PCDHGA3: variants seen among roughly 807,000 people sequenced by gnomAD.
PCDHGA3 encodes the protein protocadherin gamma subfamily A, 3.
A neutral mutation model predicts 58.5 loss-of-function variants in PCDHGA3; 40 were observed. The observed-to-expected ratio is 0.68, with a 90% confidence interval of 0.53 to 0.89. The LOEUF is 0.89. Among genes scored for constraint, PCDHGA3 ranks in the 40% least tolerant of loss-of-function variants. The pLI, the probability that PCDHGA3 is intolerant of heterozygous loss-of-function variation, is 0.00. For missense variants in PCDHGA3, 1,223 were observed against 1,195.9 expected (o/e 1.02, Z -0.33); for synonymous variants, 530 against 525.7 (o/e 1.01, Z -0.11).
chr5:141,419,470 G>A (rs2096387963), intron 1 of PCDHGA3: 1 of 1,612,362 alleles, frequency 6.2e-7, no homozygotes, highest in African/African-American at 1.3e-5. Context: ...CCCGCGACCA[G>A]GGCTCGCCCG....
chr5:141,382,946 T>C (rs1415736753), intron 1 of PCDHGA3: 27 of 1,598,228 alleles, frequency 1.7e-5, no homozygotes, highest in Non-Finnish European at 2.3e-5. Flanking sequence ...TTCTTCCTGC[T>C]CTCCATCCTC....
At position 141,511,399 on chromosome 5, in the gene PCDHGA3, A is replaced by C; in HGVS notation, c.*226A>C. 1.0e-6 allele frequency: 1 copy of C among 987,714 alleles called. No homozygotes were observed. The highest frequency in any genetic ancestry group is 1.4e-6 in the Non-Finnish European group (1 of 693,342). The allele number at this position is 987,714 out of a possible 1,614,324, so 61.2% of individuals were successfully genotyped here. ...CAGTTCCGCTGGGAACCCCCATCCA[A>C]TCAACTGCTGTACCCATGGGGGTAG... On this transcript the variant is annotated 3_prime_UTR_variant, in exon 4 of 4. Transcript: ENST00000253812.
chr5:141,394,808 T>G lies in PCDHGA3; in HGVS notation c.2424+48351T>G, dbSNP rs534137630. The G allele has an allele frequency of 9.9e-6, 16 of 1,613,872 alleles. No individual in the cohort carries two copies. The East Asian group carries it at 3.6e-4, about 36-fold the overall frequency. On this transcript the variant is annotated intron_variant, in intron 1 of 3. Coordinates refer to ENST00000253812, the MANE Select transcript of PCDHGA3 (RefSeq NM_018916.4). ...CTGTCACGCTCACCGTAGCCGTGGC[T>G]GACAGCATCCCCGAAGTCCTGACCG...
At position 141,476,114 on chromosome 5, in the gene PCDHGA3, G is replaced by C; in HGVS notation, c.2425-18693G>C. 3.8e-6 allele frequency: 6 copies of C among 1,592,296 alleles called. No homozygotes were observed. Among genetic ancestry groups the C allele is most frequent in the Non-Finnish European group, 5.1e-6 (6 of 1,171,536 alleles). On this transcript the variant is annotated intron_variant, in intron 1 of 3. Coordinates refer to ENST00000253812, the MANE Select transcript of PCDHGA3 (RefSeq NM_018916.4). This position sits in a 1 kb window ranked among gnomAD's most constrained non-coding sequence, Gnocchi z 7.6. Reference sequence around the variant, plus strand: ...CCGCTGAGAGGAACTGCTTTTGAGTGAGATGGTCCCAGAGGCCTGGAGGAG... The same window carrying C: ...CCGCTGAGAGGAACTGCTTTTGAGTCAGATGGTCCCAGAGGCCTGGAGGAG...
In PCDHGA3 at chr5:141,486,110, G is replaced by A. The variant is rs780031943; in HGVS notation, c.2425-8697G>A. 1.2e-6 allele frequency: 2 copies of A among 1,614,162 alleles called. No individual in the cohort carries two copies. Among genetic ancestry groups the A allele is most frequent in the South Asian group, 1.1e-5 (1 of 91,078 alleles). On this transcript the variant is annotated intron_variant, in intron 1 of 3. Transcript: ENST00000253812. This position sits in a 1 kb window ranked among gnomAD's most constrained non-coding sequence, Gnocchi z 5.0. ...TTTGGGGCCCCTAGACTTTGAGAGT[G>A]AGAATTACTATGAATTTGATGTGCG...
chr5:141,409,823 A>G, intron 1 of PCDHGA3: 2 of 1,610,784 alleles, frequency 1.2e-6, no homozygotes, highest in Non-Finnish European at 1.7e-6. Flanking sequence ...CGGCTCGCCC[A>G]CGCTCAGCGC....
intron 1 of PCDHGA3, 102 bp from the exon 2 acceptor site, chr5:141,494,705 G>A (rs2099756254): frequency 1.3e-6 from 2 of 1,597,990 alleles, no homozygotes; most frequent in East Asian, 2.2e-5. Context: ...TTTCTTCTCT[G>A]TGCCCACTCC....
chr5:141,421,697 A>T (rs750973568), intron 1 of PCDHGA3: 8 of 1,613,924 alleles, frequency 5.0e-6, no homozygotes, highest in Non-Finnish European at 6.8e-6. Context: ...GCTCTTCCTA[A>T]TGCTAGGGAT....
rs375260597 is a variant in PCDHGA3 at position 141,388,655 on chromosome 5, G to C, written c.2424+42198G>C. On this transcript the variant is annotated intron_variant, in intron 1 of 3. Coordinates refer to ENST00000253812, the MANE Select transcript of PCDHGA3 (RefSeq NM_018916.4). Reference sequence around the variant, plus strand: ...TGAGCCTTTCAGAAAACGTGTACCCGGGGACCACGGTGCTACAGGTGACTG... The same window carrying C: ...TGAGCCTTTCAGAAAACGTGTACCCCGGGACCACGGTGCTACAGGTGACTG... The C allele has an allele frequency of 1.9e-6, 3 of 1,613,808 alleles. No individual in the cohort carries two copies. In the African/African-American group the frequency reaches 4.0e-5, roughly 22 times the overall value.
In PCDHGA3 at chr5:141,399,774, C is replaced by T. The variant is rs758550367; in HGVS notation, c.2424+53317C>T. The T allele has an allele frequency of 1.5e-5, 24 of 1,613,116 alleles. No homozygotes were observed. In the South Asian group the frequency reaches 2.4e-4, roughly 16 times the overall value. On this transcript the variant is annotated intron_variant, in intron 1 of 3. Transcript: ENST00000253812. Reference sequence around the variant, plus strand: ...ACGTGAGCCTGCGCGTGTTGGTGGGCGACCGAAACGACAACGCACCGCGGG... The same window carrying T: ...ACGTGAGCCTGCGCGTGTTGGTGGGTGACCGAAACGACAACGCACCGCGGG...
chr5:141,364,415 G>T (rs368621667), intron 1 of PCDHGA3: 47 of 1,612,964 alleles, frequency 2.9e-5, no homozygotes, highest in Admixed American at 1.2e-4. Flanking sequence ...GCCAGGATCC[G>T]GGCAGATCCG....
chr5:141,436,089 T>C (rs1001252646), intron 1 of PCDHGA3, among the ~76,000 whole-genome samples: 1 of 152,204 alleles, frequency 6.6e-6, no homozygotes, highest in Non-Finnish European at 1.5e-5. Context: ...ATAGGTAATA[T>C]TGAGAGAAAT....
At chr5:141,369,035 T>C (rs1765998324) in intron 1 of PCDHGA3, among the ~76,000 whole-genome samples, 1 of 152,204 alleles carries the variant, frequency 6.6e-6, no homozygotes. Context: ...TGCCTAGTTT[T>C]AGAGTAACAA....
chr5:141,379,268 T>C (rs1775481611), intron 1 of PCDHGA3: 1 of 152,258 alleles, frequency 6.6e-6, no homozygotes, highest in Non-Finnish European at 1.5e-5. Flanking sequence ...GGAATTGTTA[T>C]AGATTTATTT....
intron 1 of PCDHGA3, chr5:141,372,020 C>T (rs534964155): frequency 1.2e-6 from 2 of 1,613,370 alleles, no homozygotes; most frequent in Admixed American, 1.7e-5. Context: ...CGCCTACGCT[C>T]AGCGCCAACG....
At chr5:141,400,143 T>C (rs2093969868) in intron 1 of PCDHGA3, 2 of 1,613,986 alleles carry the variant, frequency 1.2e-6, no homozygotes, top group Admixed American at 3.3e-5. Flanking sequence ...CGGATATCAC[T>C]GACCGCCCTG....
At chr5:141,349,567 G>A (rs990181997) in intron 1 of PCDHGA3, among the ~76,000 whole-genome samples, 7 of 151,960 alleles carry the variant, frequency 4.6e-5, no homozygotes, top group African/African-American at 7.3e-5. Context: ...TAATAGTAAG[G>A]CTGTGATTTC....
At chr5:141,353,273 T>G (rs1391444264) in intron 1 of PCDHGA3, among the ~76,000 whole-genome samples, 2 of 152,234 alleles carry the variant, frequency 1.3e-5, no homozygotes, top group African/African-American at 4.8e-5. Context: ...TACTATATTT[T>G]CAAGTCATTT....
chr5:141,428,131 G>T, intron 1 of PCDHGA3: 1 of 1,602,720 alleles, frequency 6.2e-7, no homozygotes, highest in Non-Finnish European at 8.5e-7. Flanking sequence ...GGGCTTTTCA[G>T]CCTGGGGCTG....
Sources: gnomAD v4.1 joint callset for allele counts (sites outside exome capture counted in the v4.1 genomes callset) on GRCh38, gnomAD v4.1.1 for gene constraint, Gnocchi (gnomAD v3.1) non-coding constraint, MANE v1.5 for transcripts, NCBI Gene and HGNC (gene_info 2026-07-23, HGNC 2026-07-21) for gene names.